The following PCM1 variants were observed in gnomAD, a reference collection of about 807,000 sequenced individuals.
The protein encoded by PCM1 is pericentriolar material 1 protein.
Under a neutral mutation model 241.9 loss-of-function variants are expected in PCM1, and 157 were observed. The ratio of observed to expected loss-of-function variants is 0.65; its 90% CI spans 0.57 to 0.74. PCM1 has a LOEUF of 0.74. Ranked by LOEUF, PCM1 falls within the 30% of genes least tolerant of loss-of-function variation. The probability of loss-of-function intolerance (pLI) is 0.00; values close to 1 mark genes in which losing one functional copy is unlikely to be tolerated. For synonymous variants in PCM1, 1,085 were observed against 784.9 expected (o/e 1.38, Z -6.39); for missense variants, 3,478 against 2,360.1 (o/e 1.47, Z -9.81).
chr8:17,977,049 C>T (rs1212727512), intron 23 of PCM1, among the ~76,000 whole-genome samples: 1 of 152,072 alleles, frequency 6.6e-6, no homozygotes, highest in Non-Finnish European at 1.5e-5. Context: ...ATTTATTCAT[C>T]ACTTTTCATG....
rs776528013 is a variant in PCM1 at position 18,006,351 on chromosome 8, A to C, written c.4916A>C (p.Lys1639Thr). 5 of 1,613,048 alleles carry C rather than the reference A, an allele frequency of 3.1e-6. No individual in the cohort carries two copies. The South Asian group carries it at 5.5e-5, about 18-fold the overall frequency. The change falls in exon 30 of 39, where the codon AAA (lysine) becomes ACA (threonine). Residue 1639 changes from lysine (K) to threonine (T), a missense_variant. Lys to Thr is a moderately conservative substitution (Grantham distance 78). Coordinates refer to ENST00000325083, the MANE Select transcript of PCM1 (RefSeq NM_006197.4). ...LTLTQQNDES[K>T]EFVKFFHKQL... ...CTTACCCAGCAAAATGATGAGAGCAAAGAGTTTGTAAAGTTCTTTCATAAA... is the reference window on the plus strand; with the variant it reads ...CTTACCCAGCAAAATGATGAGAGCACAGAGTTTGTAAAGTTCTTTCATAAA...
chr8:17,977,298 G>T lies in PCM1; in HGVS notation c.3944-3293G>T, dbSNP rs533600694. Among the ~76,000 whole-genome samples the T allele has an allele frequency of 2.0e-5, 3 of 152,184 alleles. No homozygotes were observed. The East Asian group carries it at 5.8e-4, about 29-fold the overall frequency. On this transcript the variant is annotated intron_variant, in intron 23 of 38. Coordinates refer to ENST00000325083, the MANE Select transcript of PCM1 (RefSeq NM_006197.4). ...CAGTAAATTTCATGCAGACTCGGTG[G>T]CAGAGGCTAAACTTTAGTTTGAGAG...
intron 26 of PCM1, 145 bp downstream of exon 26, chr8:17,986,232 A>G (rs376662449): frequency 3.8e-6 from 2 of 524,154 alleles, no homozygotes; most frequent in African/African-American, 2.0e-5. Flanking sequence ...GTGTTATTTT[A>G]TTTTGAGGGC....
intron 36 of PCM1, among the ~76,000 whole-genome samples, chr8:18,022,342 TTGGGAACTTTTCCTACTCAAAC>T (rs918085088): frequency 1.3e-5 from 2 of 152,234 alleles, no homozygotes; most frequent in African/African-American, 4.8e-5. Context: ...CAAACTTTTG[TTGGGAACTTTTCCTACTCAAAC>T]AGAATATCCT....
intron 6 of PCM1, chr8:17,940,278 C>T (rs2061635033): frequency 1.7e-6 from 1 of 584,548 alleles, no homozygotes; most frequent in Non-Finnish European, 3.0e-6. Flanking sequence ...GGAAGAACCC[C>T]TCAAATTGTT....
In PCM1 at chr8:17,980,614, A is replaced by G. The variant is rs1587695665; in HGVS notation, c.3967A>G (p.Ser1323Gly). The G allele has an allele frequency of 1.9e-6, 3 of 1,609,850 alleles. No homozygotes were observed. In the East Asian group the frequency reaches 6.7e-5, roughly 36 times the overall value. ...AGGGTATGAAAGTGCCAGTATGTCT[A>G]GCACATGTGAACCTTGCAAAAGTAG... ...NIRYESASMS[S>G]TCEPCKSRNR... Residue 1323 changes from serine to glycine, a missense_variant, in exon 24 of 39, where the codon AGC becomes GGC. Transcript: ENST00000325083.
chr8:17,992,578 G>T (rs897616186), intron 28 of PCM1, among the ~76,000 whole-genome samples: 2 of 150,396 alleles, frequency 1.3e-5, no homozygotes, highest in African/African-American at 4.9e-5. Flanking sequence ...CTTTTGAGAG[G>T]AGTTGTCTAT....
chr8:17,972,266 G>A (rs983204139), intron 22 of PCM1, 63 bp from the exon 23 acceptor site: 15 of 894,034 alleles, frequency 1.7e-5, no homozygotes, highest in Middle Eastern at 2.7e-4. Flanking sequence ...TATAAATTCA[G>A]TGTATTTGGA....
chr8:18,023,467 T>A (rs946501777), intron 36 of PCM1, among the ~76,000 whole-genome samples: 6 of 152,204 alleles, frequency 3.9e-5, no homozygotes, highest in Non-Finnish European at 7.3e-5. Flanking sequence ...TCGATACTCT[T>A]CAAGCAATAC....
rs1423750065 is a variant in PCM1, at chr8:17,963,306, T to G, written c.2654+15T>G. 3 of 1,559,242 alleles carry G rather than the reference T, an allele frequency of 1.9e-6. No homozygotes were observed. In the Admixed American group the frequency reaches 6.6e-5, roughly 34 times the overall value. On this transcript the variant is annotated intron_variant, in intron 17 of 38. Transcript: ENST00000325083. Reference sequence around the variant, plus strand: ...AGAACAGAAAAGTAAGAGAGCTGCATAAATCACTTTTCTAAAAATGTCACC... The same window carrying G: ...AGAACAGAAAAGTAAGAGAGCTGCAGAAATCACTTTTCTAAAAATGTCACC...
chr8:17,943,196 T>TTTTC (rs2062738588), intron 6 of PCM1, among the ~76,000 whole-genome samples: 2 of 150,430 alleles, frequency 1.3e-5, no homozygotes, highest in Admixed American at 6.6e-5. Flanking sequence ...TTTTTTTTTT[T>TTTTC]GGTGTGTGTG....
chr8:18,001,641 C>T (rs2089462304), intron 29 of PCM1, among the ~76,000 whole-genome samples: 2 of 152,168 alleles, frequency 1.3e-5, no homozygotes, highest in South Asian at 4.1e-4. Context: ...GTTTTCTTTT[C>T]ATCTAGATAT....
chr8:17,981,532 A>G (rs2080799209), intron 24 of PCM1, among the ~76,000 whole-genome samples: 1 of 152,164 alleles, frequency 6.6e-6, no homozygotes, highest in South Asian at 2.1e-4. Context: ...TCAAAGAAAT[A>G]TGGAGAGAGA....
At chr8:18,021,089 A>G (rs1311361041) in intron 36 of PCM1, among the ~76,000 whole-genome samples, 1 of 152,214 alleles carries the variant, frequency 6.6e-6, no homozygotes, top group Non-Finnish European at 1.5e-5. Flanking sequence ...CACTCAGGAT[A>G]ATTTGTTCAG....
intron 9 of PCM1, among the ~76,000 whole-genome samples, chr8:17,953,644 C>G (rs1231507791): frequency 6.6e-6 from 1 of 152,004 alleles, no homozygotes; most frequent in Admixed American, 6.5e-5. Flanking sequence ...GTCTAGAGAG[C>G]CCAGAACTTC....
chr8:17,985,735 T>A, intron 25 of PCM1, 116 bp downstream of exon 25: 10 of 857,332 alleles, frequency 1.2e-5, no homozygotes, highest in Non-Finnish European at 1.8e-5. Flanking sequence ...GTTCTCTATG[T>A]GCTTTCTTGA....
chr8:17,960,278 A>G, intron 14 of PCM1, 37 bp from the exon 15 acceptor site: 1 of 1,585,478 alleles, frequency 6.3e-7, no homozygotes, highest in Non-Finnish European at 8.6e-7. Context: ...ATCACATTTT[A>G]TTGGAGTCCA....
At chr8:18,005,627 C>G (rs1260731496) in intron 29 of PCM1, among the ~76,000 whole-genome samples, 2 of 152,136 alleles carry the variant, frequency 1.3e-5, no homozygotes, top group African/African-American at 4.8e-5. Flanking sequence ...GTAGCTCACA[C>G]ATGCTTCTCA....
rs542158430 is a variant in PCM1, at chr8:17,996,034, CTT to C, written c.4827+2416_4827+2417del. On this transcript the variant is annotated intron_variant, in intron 29 of 38. Transcript: ENST00000325083. The stretch of plus-strand genomic sequence containing the variant: ...GTTTGGATCCCCTCTATTTCTTTCT[CTT>C]GTCTGATTACTCTAGCTAGGACTTC... Among the ~76,000 whole-genome samples, 104 of 152,192 alleles carry C rather than the reference CTT, an allele frequency of 6.8e-4. 1 individual carries two copies. Among genetic ancestry groups the C allele is most frequent in the African/African-American group, 2.4e-3 (99 of 41,528 alleles).
Sources: gnomAD v4.1 joint callset for allele counts (sites outside exome capture counted in the v4.1 genomes callset) on GRCh38, gnomAD v4.1.1 for gene constraint, MANE v1.5 for transcripts, NCBI Gene and HGNC (gene_info 2026-07-23, HGNC 2026-07-21) for gene names.